Variants in DLGAP2 observed in about 807,000 individuals in gnomAD.
The protein encoded by DLGAP2 is DLG associated protein 2, also known as disks large-associated protein 2.
Under a neutral mutation model 100.3 loss-of-function variants are expected in DLGAP2, and 26 were observed. The observed-to-expected ratio is 0.26, with a 90% CI of 0.19 to 0.36. The LOEUF is 0.36. Among genes scored for constraint, DLGAP2 ranks in the 10% least tolerant of loss-of-function variants. DLGAP2 has a pLI of 1.00. For synonymous variants in DLGAP2, 886 were observed against 630.1 expected, an observed-to-expected ratio of 1.41 and a Z score of -6.08; for missense variants, 1,858 against 1,453.2, an observed-to-expected ratio of 1.28 and a Z score of -4.53.
chr8:981,750 A>G (rs1173247469), intron 2 of DLGAP2, among the ~76,000 whole-genome samples: 1 of 151,892 alleles, frequency 6.6e-6, no homozygotes, highest in Non-Finnish European at 1.5e-5. Context: ...TCCTTTGCTT[A>G]TTTTCTAATT....
Position 1,625,663 on chromosome 8 carries a change from G to C in DLGAP2, c.1443-1077G>C, listed in dbSNP as rs528226068. Among the ~76,000 whole-genome samples, 166 of 152,224 alleles carry C rather than the reference G, an allele frequency of 1.1e-3. 1 individual carries two copies. The highest frequency in any genetic ancestry group is 3.8e-3 in the African/African-American group (159 of 41,554). ...GCCAATAATTTTTATGAGACTCTCA[G>C]TTTTTTGGCTTAAATTCAGGAGCTG... On this transcript the variant is annotated intron_variant, in intron 6 of 14. Coordinates refer to ENST00000637795, the MANE Select transcript of DLGAP2 (RefSeq NM_001346810.2).
intron 2 of DLGAP2, among the ~76,000 whole-genome samples, chr8:1,157,264 C>T (rs115030265): frequency 0.018 from 2,686 of 152,198 alleles, 74 homozygotes; most frequent in African/African-American, 0.061. Flanking sequence ...TGGAGGATGT[C>T]CTCTCGTGGC....
chr8:1,151,642 G>A (rs1796699463), intron 2 of DLGAP2, among the ~76,000 whole-genome samples: 2 of 152,196 alleles, frequency 1.3e-5, no homozygotes, highest in Non-Finnish European at 2.9e-5. Context: ...AAGGAGGAGG[G>A]CAGAGAGCTC....
At chr8:1,494,030 C>G (rs532179806) in intron 3 of DLGAP2, among the ~76,000 whole-genome samples, 1 of 127,654 alleles carries the variant, frequency 7.8e-6, no homozygotes, top group South Asian at 2.7e-4. Flanking sequence ...CCCCTGCCCT[C>G]CCATTCTGCA....
rs770213644 is a variant in DLGAP2, at chr8:1,287,327, G to T, written c.106+28444G>T. 3.7e-4 allele frequency among the ~76,000 whole-genome samples: 52 copies of T among 139,708 alleles called. 3 individuals carry two copies. Among genetic ancestry groups the T allele is most frequent in the Non-Finnish European group, 7.0e-4 (46 of 65,754 alleles). 91.7% of individuals were successfully genotyped at this position (139,708 alleles called of 152,430 possible). A position where few individuals can be genotyped will look rare whatever the true frequency, so the allele number is the denominator to read the frequency against. On this transcript the variant is annotated intron_variant, in intron 3 of 14. Transcript: ENST00000637795. ...GTTTCGGTTCAGCGTGTGTGTGTGTGTGTGTGCGTGGTTCTGTTAGGAGGG... is the reference window on the plus strand; with the variant it reads ...GTTTCGGTTCAGCGTGTGTGTGTGTTTGTGTGCGTGGTTCTGTTAGGAGGG...
chr8:1,500,792 G>C (rs1584958420), intron 3 of DLGAP2, among the ~76,000 whole-genome samples: 1 of 152,272 alleles, frequency 6.6e-6, no homozygotes, highest in Non-Finnish European at 1.5e-5. Context: ...ATCAATGCCA[G>C]TGACCTGGGT....
At chr8:1,221,154 C>T (rs535207946) in intron 2 of DLGAP2, among the ~76,000 whole-genome samples, 142 of 152,032 alleles carry the variant, frequency 9.3e-4, no homozygotes, top group Non-Finnish European at 1.7e-3. Context: ...CTTAGCTGAT[C>T]GTTATGTATA....
chr8:1,027,567 G>A (rs540265406), intron 2 of DLGAP2, among the ~76,000 whole-genome samples: 72 of 149,790 alleles, frequency 4.8e-4, no homozygotes, highest in African/African-American at 1.7e-3. Context: ...GGTGCCAAGC[G>A]CCCGTTATTC....
chr8:1,432,977 C>G (rs991985946), intron 3 of DLGAP2, among the ~76,000 whole-genome samples: 3 of 152,146 alleles, frequency 2.0e-5, no homozygotes, highest in African/African-American at 7.2e-5. Flanking sequence ...CTGACTGCTC[C>G]AGGACTCACA....
intron 6 of DLGAP2, among the ~76,000 whole-genome samples, chr8:1,609,534 A>G (rs1466757463): frequency 3.7e-5 from 5 of 136,782 alleles, no homozygotes; most frequent in African/African-American, 1.3e-4. Flanking sequence ...AAATTCACAC[A>G]TAATATTAAC....
At chr8:905,488 G>A (rs1229287689) in intron 1 of DLGAP2, among the ~76,000 whole-genome samples, 1 of 152,162 alleles carries the variant, frequency 6.6e-6, no homozygotes. Flanking sequence ...AACAGAGACG[G>A]CATAAAACAG....
chr8:1,009,014 C>G (rs4272405), intron 2 of DLGAP2, among the ~76,000 whole-genome samples: 59,574 of 152,122 alleles, frequency 0.39, 11,999 homozygotes, highest in African/African-American at 0.47. Flanking sequence ...CCTCCAGTAC[C>G]CCTTCCCACC....
At chr8:1,430,130 ATT>A (rs1208894790) in intron 3 of DLGAP2, among the ~76,000 whole-genome samples, 1 of 148,648 alleles carries the variant, frequency 6.7e-6, no homozygotes, top group African/African-American at 2.5e-5. Flanking sequence ...TTTTAGGATA[ATT>A]TTATGGCTCC....
intron 1 of DLGAP2, among the ~76,000 whole-genome samples, chr8:751,483 G>A (rs535917716): frequency 5.3e-5 from 8 of 152,294 alleles, no homozygotes; most frequent in Non-Finnish European, 8.8e-5. Context: ...TTTTTTCCCC[G>A]GGGACATTAC....
intron 3 of DLGAP2, among the ~76,000 whole-genome samples, chr8:1,454,594 A>T (rs1427016473): frequency 6.6e-6 from 1 of 152,152 alleles, no homozygotes; most frequent in East Asian, 1.9e-4. Flanking sequence ...GCCAAGATTC[A>T]TCTCCATTAA....
intron 4 of DLGAP2, among the ~76,000 whole-genome samples, chr8:1,539,479 T>C (rs1158170159): frequency 6.6e-6 from 1 of 151,914 alleles, no homozygotes; most frequent in Non-Finnish European, 1.5e-5. Flanking sequence ...TCCCCACGAG[T>C]TGAGTGAGAA....
At chr8:1,598,352 G>C (rs2977212) in intron 6 of DLGAP2, among the ~76,000 whole-genome samples, 110,128 of 152,074 alleles carry the variant, frequency 0.72, 40,279 homozygotes, top group East Asian at 0.92. Context: ...CTGCCAGGTT[G>C]TGGTATCAGG....
intron 3 of DLGAP2, among the ~76,000 whole-genome samples, chr8:1,354,293 G>A (rs1237943932): frequency 1.3e-5 from 2 of 152,160 alleles, no homozygotes; most frequent in African/African-American, 2.4e-5. Flanking sequence ...ATTGCCTGAG[G>A]CCAGGAGTTT....
chr8:1,258,914 C>T (rs1799284952), intron 3 of DLGAP2, 31 bp downstream of exon 3: 7 of 1,231,374 alleles, frequency 5.7e-6, no homozygotes, highest in South Asian at 4.1e-5. Flanking sequence ...CTGGGGTGGG[C>T]GGGGGCCGCG....
Sources: allele counts gnomAD v4.1 joint callset (sites outside exome capture counted in the v4.1 genomes callset), GRCh38; gene constraint gnomAD v4.1.1; transcripts MANE v1.5; gene names NCBI Gene and HGNC (gene_info 2026-07-23, HGNC 2026-07-21).